Variants in STARD13 observed in about 807,000 individuals in gnomAD.
STARD13 encodes StAR related lipid transfer domain containing 13.
STARD13 carries 62 observed loss-of-function variants against 106.4 expected under a neutral mutation model. The observed-to-expected ratio is 0.58, with a 90% confidence interval of 0.48 to 0.72. The LOEUF is 0.72. STARD13 is among the 30% of genes least tolerant of loss of function. The probability of loss-of-function intolerance (pLI) is 0.00; values close to 1 mark genes in which losing one functional copy is unlikely to be tolerated. For synonymous variants in STARD13, 565 were observed against 553.0 expected (o/e 1.02, Z -0.31); for missense variants, 1,387 against 1,424.0 (o/e 0.97, Z 0.42).
chr13:33,319,646 A>G (rs1031839044), intron 1 of STARD13, among the ~76,000 whole-genome samples: 1 of 152,226 alleles, frequency 6.6e-6, no homozygotes, highest in East Asian at 1.9e-4. Context: ...GAATCAGGAG[A>G]CCTGCCACAT....
At chr13:33,469,012 T>C in the STARD13 span, among the ~76,000 whole-genome samples, 107 of 152,326 alleles carry the variant, frequency 7.0e-4, no homozygotes, top group Non-Finnish European at 1.2e-3. Flanking sequence ...ACTAACAACA[T>C]ATACCTCAAA....
chr13:33,539,553 A>G, the STARD13 span, among the ~76,000 whole-genome samples: 1 of 152,242 alleles, frequency 6.6e-6, no homozygotes, highest in African/African-American at 2.4e-5. Flanking sequence ...ATATTTATCA[A>G]TGAAATTGAA....
At chr13:33,382,483 G>C in the STARD13 span, among the ~76,000 whole-genome samples, 1 of 152,030 alleles carries the variant, frequency 6.6e-6, no homozygotes, top group African/African-American at 2.4e-5. Context: ...TTATTTATGT[G>C]GTTATTTGTT....
intron 1 of STARD13, among the ~76,000 whole-genome samples, chr13:33,170,079 C>T (rs1305428147): frequency 6.6e-6 from 1 of 151,964 alleles, no homozygotes; most frequent in African/African-American, 2.4e-5. Flanking sequence ...TGAATAAGAC[C>T]TACTATTTGA....
chr13:33,575,358 A>G, the STARD13 span, among the ~76,000 whole-genome samples: 24 of 152,150 alleles, frequency 1.6e-4, no homozygotes, highest in Admixed American at 1.4e-3. Context: ...GACTTCATCA[A>G]TTTTCAGATA....
the STARD13 span, among the ~76,000 whole-genome samples, chr13:33,601,526 T>C: frequency 6.6e-6 from 1 of 152,198 alleles, no homozygotes; most frequent in Non-Finnish European, 1.5e-5. Flanking sequence ...TCTACTTTGA[T>C]CTGCTTTAAT....
At chr13:33,122,437 C>G (rs1876482421) in intron 7 of STARD13, among the ~76,000 whole-genome samples, 1 of 152,222 alleles carries the variant, frequency 6.6e-6, no homozygotes, top group African/African-American at 2.4e-5. Context: ...CACAGGGTCT[C>G]ACACACTTAG....
chr13:33,429,933 G>GT, the STARD13 span, among the ~76,000 whole-genome samples: 1 of 148,590 alleles, frequency 6.7e-6, no homozygotes, highest in African/African-American at 2.6e-5. Flanking sequence ...TTTTTGGGGG[G>GT]GGGGGACGGA....
Position 33,105,501 on chromosome 13 carries a change from C to G in STARD13, c.*92G>C. The G allele has an allele frequency of 1.1e-6, 1 of 905,166 alleles. No individual in the cohort carries two copies. 56.1% of individuals were successfully genotyped at this position (905,166 alleles called of 1,614,324 possible). A position where few individuals can be genotyped will look rare whatever the true frequency, so the allele number is the denominator to read the frequency against. The stretch of plus-strand genomic sequence containing the variant: ...AGGCATTAACCGCGTCCTTCAGTTC[C>G]TCTTTCTCTCGCTTTCTCACATGCA... On this transcript the variant is annotated 3_prime_UTR_variant, in exon 14 of 14. Transcript: ENST00000336934.
At chr13:33,481,914 C>T in the STARD13 span, among the ~76,000 whole-genome samples, 2 of 148,628 alleles carry the variant, frequency 1.3e-5, no homozygotes, top group Middle Eastern at 3.4e-3. Context: ...ACCCAAGGGG[C>T]GGAGCTTGCA....
the STARD13 span, among the ~76,000 whole-genome samples, chr13:33,661,651 G>A: frequency 3.3e-5 from 5 of 152,232 alleles, no homozygotes; most frequent in East Asian, 1.9e-4. Context: ...AATGCCATGC[G>A]CTTATAAAAC....
chr13:33,529,068 T>TTG, the STARD13 span, among the ~76,000 whole-genome samples: 49 of 152,272 alleles, frequency 3.2e-4, 1 homozygote, highest in Admixed American at 2.6e-4. Context: ...TTGACAGAAC[T>TTG]TCAGGAAGCC....
In STARD13 at chr13:33,210,658, T is replaced by C. The variant is rs973173599; in HGVS notation, c.170-43036A>G. ...ACTACACTTAAAAGATTGACTTTGA[T>C]TAACCACAAATCAAGAAATTAAGAA... On this transcript the variant is annotated intron_variant, in intron 1 of 13. Coordinates refer to ENST00000336934, the MANE Select transcript of STARD13 (RefSeq NM_178006.4). Among the ~76,000 whole-genome samples the C allele has an allele frequency of 7.9e-5, 12 of 152,372 alleles. No individual in the cohort carries two copies. In the South Asian group the frequency reaches 8.3e-4, roughly 11 times the overall value.
At chr13:33,177,456 T>C (rs1235726817) in intron 1 of STARD13, among the ~76,000 whole-genome samples, 1 of 152,146 alleles carries the variant, frequency 6.6e-6, no homozygotes, top group Non-Finnish European at 1.5e-5. Context: ...TGGGCTCTAT[T>C]GTAAGATTTT....
chr13:33,289,521 A>C (rs566853147), upstream of STARD13, among the ~76,000 whole-genome samples: 2 of 152,316 alleles, frequency 1.3e-5, no homozygotes, highest in South Asian at 4.1e-4. Context: ...GCCTTTGTGC[A>C]TCTCCAAGCT....
chr13:33,650,164 A>ATGTTTTTT, the STARD13 span, among the ~76,000 whole-genome samples: 29 of 48,374 alleles, frequency 6.0e-4, 7 homozygotes, highest in East Asian at 5.1e-3. Flanking sequence ...CGTGACTCCA[A>ATGTTTTTT]TTTTTTTTTT....
At chr13:33,662,908 A>G in the STARD13 span, among the ~76,000 whole-genome samples, 1 of 152,264 alleles carries the variant, frequency 6.6e-6, no homozygotes, top group African/African-American at 2.4e-5. Flanking sequence ...AGTAAACAAT[A>G]ATGCAAGTTA....
the STARD13 span, among the ~76,000 whole-genome samples, chr13:33,408,971 C>A: frequency 2.6e-5 from 4 of 151,880 alleles, no homozygotes; most frequent in African/African-American, 9.7e-5. Context: ...CCACCAAGAG[C>A]AACCAGCCCT....
intron 1 of STARD13, among the ~76,000 whole-genome samples, chr13:33,330,342 TA>T (rs2077822405): frequency 6.6e-6 from 1 of 152,244 alleles, no homozygotes; most frequent in South Asian, 2.1e-4. Context: ...ACCTGATAAT[TA>T]CAGATGTGGA....
Sources: allele counts gnomAD v4.1 joint callset (sites outside exome capture counted in the v4.1 genomes callset), GRCh38; gene constraint gnomAD v4.1.1; transcripts MANE v1.5; gene names NCBI Gene and HGNC (gene_info 2026-07-23, HGNC 2026-07-21).